SLC39A5: variants seen among roughly 807,000 people sequenced by gnomAD.
SLC39A5 encodes the protein zinc transporter ZIP5.
SLC39A5 carries 42 observed loss-of-function variants against 46.9 expected under a neutral mutation model. The ratio of observed to expected loss-of-function variants is 0.90; its 90% CI spans 0.70 to 1.16. The LOEUF (loss-of-function observed/expected upper bound fraction) is 1.16. Among genes scored for constraint, SLC39A5 ranks in the 50% most tolerant of loss-of-function variants. The pLI is 0.00. For missense variants in SLC39A5, 677 were observed against 686.8 expected (o/e 0.99, Z 0.16); for synonymous variants, 311 against 323.1 (o/e 0.96, Z 0.40).
chr12:56,237,633 G>T lies in SLC39A5; in HGVS notation c.1525G>T (p.Val509Leu). ...RPPEPLPTPHVLLQGLGLLLG... is the reference protein window; with the variant it reads ...RPPEPLPTPHLLLQGLGLLLG... ...TCCGGAGCCCCTGCCTACGCCCCAT[G>T]TGCTCCTGCAGGGGCTGGGGCTGCT... is the stretch of plus-strand genomic sequence containing the variant. Residue 509 changes from valine to leucine, a missense_variant, in exon 13 of 13, where the codon GTG (valine) becomes TTG (leucine). By Grantham distance (32) the Val-to-Leu change is conservative. Coordinates refer to ENST00000454355, the MANE Select transcript of SLC39A5 (RefSeq NM_173596.3). The T allele has an allele frequency of 6.2e-7, 1 of 1,613,324 alleles. No individual in the cohort carries two copies. The highest frequency in any genetic ancestry group is 8.5e-7 in the Non-Finnish European group (1 of 1,179,774).
At chr12:56,235,479 G>A (rs904081633) in intron 7 of SLC39A5, 81 bp from the exon 8 acceptor site, 10 of 1,548,504 alleles carry the variant, frequency 6.5e-6, no homozygotes, top group African/African-American at 2.8e-5. Context: ...GCATATGAGC[G>A]AAGGCTTGCC....
intron 5 of SLC39A5, among the ~76,000 whole-genome samples, chr12:56,233,712 T>C (rs1870460279): frequency 6.6e-6 from 1 of 152,148 alleles, no homozygotes. Context: ...ACAGAGAATA[T>C]ATTCCACTTA....
intron 5 of SLC39A5, among the ~76,000 whole-genome samples, chr12:56,233,098 C>T (rs1391826936): frequency 6.6e-6 from 1 of 151,526 alleles, no homozygotes; most frequent in Non-Finnish European, 1.5e-5. Context: ...CCCATCTCTA[C>T]TAAAAAATAC....
chr12:56,235,611 G>A lies in SLC39A5; in HGVS notation c.856G>A (p.Gly286Ser). 3 of 1,614,128 alleles carry A rather than the reference G, an allele frequency of 1.9e-6. No homozygotes were observed. Among genetic ancestry groups the A allele is most frequent in the Admixed American group, 1.7e-5 (1 of 59,996 alleles). ...TGGCGGACTACCAGAGAAGGACCTGGGCCCGGGGCTGTCAGTGCTCGGAGG... is the reference window on the plus strand; with the variant it reads ...TGGCGGACTACCAGAGAAGGACCTGAGCCCGGGGCTGTCAGTGCTCGGAGG... ...GPGGLPEKDL[G>S]PGLSVLGGLF... Residue 286 changes from glycine to serine, a missense_variant, in exon 8 of 13, where the codon GGC (glycine) becomes AGC (serine). Coordinates refer to ENST00000454355, the MANE Select transcript of SLC39A5 (RefSeq NM_173596.3).
At chr12:56,232,999 C>A in intron 5 of SLC39A5, 127 bp downstream of exon 5, 1 of 960,228 alleles carries the variant, frequency 1.0e-6, no homozygotes, top group Non-Finnish European at 1.5e-6. Context: ...TGGTGGCTCA[C>A]GCCTGTAATC....
chr12:56,237,333 T>C lies in SLC39A5; in HGVS notation c.1472T>C (p.Val491Ala). ...GGGGTCTTCCTCTATGTGGCCCTTG[T>C]GGACATGGTGAGAGATGTCGGGTAG... ...TAGVFLYVAL[V>A]DMLPALLRPP... The change falls in exon 12 of 13, where the codon GTG becomes GCG. Residue 491 changes from valine (V) to alanine (A), a missense_variant. Transcript: ENST00000454355. 6.3e-7 allele frequency: 1 copy of C among 1,591,290 alleles called. No individual in the cohort carries two copies. Among genetic ancestry groups the C allele is most frequent in the Non-Finnish European group, 8.6e-7 (1 of 1,167,952 alleles).
rs1870828529 is a variant in SLC39A5, at chr12:56,236,832, G to A, written c.1207+86G>A. 7 of 1,585,150 alleles carry A rather than the reference G, an allele frequency of 4.4e-6. No individual in the cohort carries two copies. The South Asian group carries it at 8.1e-5, about 18-fold the overall frequency. On this transcript the variant is annotated intron_variant, in intron 10 of 12. Coordinates refer to ENST00000454355, the MANE Select transcript of SLC39A5 (RefSeq NM_173596.3). ...AGCTGGGGCTAGGAGAGGGCCGTCA[G>A]GAAGATGGGGAGAGGACGGGAGGAC...
intron 4 of SLC39A5, 76 bp downstream of exon 4, chr12:56,231,637 C>T: frequency 4.8e-6 from 7 of 1,444,974 alleles, no homozygotes; most frequent in South Asian, 1.5e-5. Context: ...TTGCCTCGTT[C>T]TGGCTTCCTC....
intron 5 of SLC39A5, 108 bp downstream of exon 5, chr12:56,232,980 G>A: frequency 4.3e-6 from 5 of 1,174,340 alleles, no homozygotes; most frequent in Non-Finnish European, 5.9e-6. Context: ...TCCCAACGTG[G>A]ACCAAGCGTG....
intron 7 of SLC39A5, 74 bp downstream of exon 7, chr12:56,235,400 C>A: frequency 6.6e-7 from 1 of 1,504,364 alleles, no homozygotes; most frequent in Non-Finnish European, 8.8e-7. Flanking sequence ...ACATCCCCTC[C>A]GCCTTTCCAT....
In SLC39A5 at chr12:56,235,095, C is replaced by T. The variant is rs570518850; in HGVS notation, c.635-62C>T. On this transcript the variant is annotated intron_variant, in intron 6 of 12. Coordinates refer to ENST00000454355, the MANE Select transcript of SLC39A5 (RefSeq NM_173596.3). ...CTCTCCTTGTAGTGTTCTCTCTGCT[C>T]CACCTTACGTGTGGGACCCTCCTCT... The T allele has an allele frequency of 1.8e-5, 28 of 1,565,696 alleles. No individual in the cohort carries two copies. The Admixed American group carries it at 4.7e-4, about 26-fold the overall frequency.
Position 56,231,248 on chromosome 12 carries a change from TG to T in SLC39A5, c.-26del. Reference sequence around the variant, plus strand: ...TTCGGGGAGAATAGGAGCCAGAACCTGAGCCCCTAAGCTATTCCCCTCACCA... The same window carrying T: ...TTCGGGGAGAATAGGAGCCAGAACCTAGCCCCTAAGCTATTCCCCTCACCA... On this transcript the variant is annotated 5_prime_UTR_variant, in exon 4 of 13. Transcript: ENST00000454355. 1 of 1,560,580 alleles carries T rather than the reference TG, an allele frequency of 6.4e-7. No homozygotes were observed. The highest frequency in any genetic ancestry group is 8.7e-7 in the Non-Finnish European group (1 of 1,153,342).
intron 3 of SLC39A5, 126 bp downstream of exon 3, chr12:56,230,999 TGAG>T (rs2135845079): frequency 4.5e-6 from 2 of 445,724 alleles, no homozygotes; most frequent in East Asian, 7.3e-5. Flanking sequence ...GGATGAAGTA[TGAG>T]GAGAGCTCTG....
rs144269176 is a variant in SLC39A5, at chr12:56,235,274, C to T, written c.752C>T (p.Ala251Val). Residue 251 changes from alanine to valine, a missense_variant, in exon 7 of 13, where the codon GCC (alanine) becomes GTC (valine). Coordinates refer to ENST00000454355, the MANE Select transcript of SLC39A5 (RefSeq NM_173596.3). ...CGGCCCTTGCTGGGCTTCCTGGGGGCCCTGGCGGTGGGCACTCTTTGTGGG... is the reference window on the plus strand; with the variant it reads ...CGGCCCTTGCTGGGCTTCCTGGGGGTCCTGGCGGTGGGCACTCTTTGTGGG... The part of the protein sequence containing the change: ...LLRPLLGFLG[A>V]LAVGTLCGDA... The T allele has an allele frequency of 1.3e-5, 20 of 1,561,644 alleles. No individual in the cohort carries two copies. In the African/African-American group the frequency reaches 1.5e-4, roughly 12 times the overall value.
intron 3 of SLC39A5, 139 bp downstream of exon 3, chr12:56,231,012 G>A: frequency 2.1e-6 from 1 of 480,626 alleles, no homozygotes; most frequent in Non-Finnish European, 3.7e-6. Flanking sequence ...GGAGAGCTCT[G>A]ACTCAGGGAG....
chr12:56,235,279 G>T lies in SLC39A5; in HGVS notation c.757G>T (p.Ala253Ser). ...RPLLGFLGAL[A>S]VGTLCGDALL... ...CTTGCTGGGCTTCCTGGGGGCCCTG[G>T]CGGTGGGCACTCTTTGTGGGGATGC... Residue 253 changes from alanine to serine, a missense_variant, in exon 7 of 13, where the codon GCG (alanine) becomes TCG (serine). Physicochemically the swap from Ala to Ser is moderately conservative, Grantham distance 99 (BLOSUM62 1). Transcript: ENST00000454355. 6.4e-7 allele frequency: 1 copy of T among 1,557,290 alleles called. No homozygotes were observed.
In SLC39A5 at chr12:56,237,241, A is replaced by C; in HGVS notation, c.1380A>C (p.Ala460=). 1.2e-6 allele frequency: 2 copies of C among 1,613,830 alleles called. No homozygotes were observed. The highest frequency in any genetic ancestry group is 1.7e-6 in the Non-Finnish European group (2 of 1,179,952). The change falls in exon 12 of 13, where the codon GCA becomes GCC. Residue 460 remains alanine, a synonymous_variant. Transcript: ENST00000454355. The stretch of plus-strand genomic sequence containing the variant: ...CTGGAGCCCTGGGATTGGGGGGTGC[A>C]GTCCTGGGGGTGGGGCTCAGCCTGG... ...LVSGALGLGG[A]VLGVGLSLGP...
At chr12:56,230,373 C>G (rs1300719542) in intron 2 of SLC39A5, 78 bp downstream of exon 2, 1 of 152,280 alleles carries the variant, frequency 6.6e-6, no homozygotes, top group Non-Finnish European at 1.5e-5. Context: ...CCCCCCTCCT[C>G]CCCAGGTTAG....
At chr12:56,233,624 A>G (rs1412505839) in intron 5 of SLC39A5, among the ~76,000 whole-genome samples, 1 of 152,184 alleles carries the variant, frequency 6.6e-6, no homozygotes, top group Non-Finnish European at 1.5e-5. Context: ...AATCTAGAGA[A>G]GCAGCCCAGG....
Sources: gnomAD v4.1 joint callset for allele counts (sites outside exome capture counted in the v4.1 genomes callset) on GRCh38, gnomAD v4.1.1 for gene constraint, MANE v1.5 for transcripts, NCBI Gene and HGNC (gene_info 2026-07-23, HGNC 2026-07-21) for gene names.